MYRIP: variants seen among roughly 807,000 people sequenced by gnomAD.
MYRIP encodes the protein myosin VIIA and Rab interacting protein, also known as rab effector MyRIP.
MYRIP carries 49 observed loss-of-function variants against 98.0 expected under a neutral mutation model. The observed-to-expected ratio is 0.50, with a 90% CI of 0.40 to 0.63. The LOEUF (loss-of-function observed/expected upper bound fraction) is 0.63, where lower values mean the gene tolerates loss of function less well. MYRIP is among the 30% of genes least tolerant of loss of function. MYRIP has a pLI of 0.00. For synonymous variants in MYRIP, 404 were observed against 409.5 expected (o/e 0.99, Z 0.16); for missense variants, 1,004 against 1,058.2 (o/e 0.95, Z 0.71).
chr3:40,007,361 C>T (rs1348833858), intron 2 of MYRIP, among the ~76,000 whole-genome samples: 3 of 151,096 alleles, frequency 2.0e-5, no homozygotes, highest in Non-Finnish European at 4.4e-5. Flanking sequence ...AAAAACCACA[C>T]ATGGAGAATC....
intron 1 of MYRIP, among the ~76,000 whole-genome samples, chr3:39,841,414 G>A (rs150879864): frequency 9.1e-4 from 138 of 152,116 alleles, no homozygotes; most frequent in African/African-American, 3.0e-3. Context: ...CCTTTAGCTC[G>A]GAGGAGTTTG....
At chr3:40,226,096 C>G (rs911080872) in intron 11 of MYRIP, among the ~76,000 whole-genome samples, 1 of 152,088 alleles carries the variant, frequency 6.6e-6, no homozygotes, top group Non-Finnish European at 1.5e-5. Context: ...CTTCAGCCCT[C>G]CCCTCAGGAA....
intron 3 of MYRIP, among the ~76,000 whole-genome samples, chr3:40,060,344 A>C (rs922588192): frequency 2.6e-5 from 4 of 152,070 alleles, no homozygotes; most frequent in South Asian, 2.1e-4. Context: ...CCTCTTTATA[A>C]ATGATATTGA....
chr3:40,189,258 A>C (rs569276675), intron 9 of MYRIP, among the ~76,000 whole-genome samples: 65 of 152,330 alleles, frequency 4.3e-4, no homozygotes, highest in African/African-American at 1.4e-3. Flanking sequence ...TTTGGCCTCA[A>C]GTCCTTTCCA....
intron 1 of MYRIP, among the ~76,000 whole-genome samples, chr3:39,887,066 G>A (rs1277644826): frequency 2.6e-5 from 4 of 151,912 alleles, no homozygotes; most frequent in African/African-American, 7.3e-5. Context: ...CATGGAAACT[G>A]AACAACCTGC....
rs1023063546 is a variant in MYRIP at position 39,999,618 on chromosome 3, C to T, written c.111-44432C>T. On this transcript the variant is annotated intron_variant, in intron 2 of 16. Coordinates refer to ENST00000302541, the MANE Select transcript of MYRIP (RefSeq NM_015460.4). ...TCAACCATTGTGGAAGTCAGTGTGG[C>T]TATTCCTCAGGGATCTAGAACTAGA... 3.3e-3 allele frequency among the ~76,000 whole-genome samples: 508 copies of T among 152,214 alleles called. 3 individuals are homozygous for T. The highest frequency in any genetic ancestry group is 0.012 in the African/African-American group (497 of 41,504).
chr3:40,239,732 T>A (rs1357642899), intron 12 of MYRIP, among the ~76,000 whole-genome samples: 1,944 of 144,526 alleles, frequency 0.013, no homozygotes, highest in African/African-American at 0.051. Flanking sequence ...TTCATGTCCT[T>A]TGCCCACTTT....
At chr3:39,966,485 T>C (rs1945445307) in intron 2 of MYRIP, among the ~76,000 whole-genome samples, 2 of 152,222 alleles carry the variant, frequency 1.3e-5, no homozygotes, top group African/African-American at 2.4e-5. Flanking sequence ...TAGATATTAG[T>C]GTTCCAGCAG....
At chr3:40,141,580 C>T (rs1949896121) in intron 3 of MYRIP, among the ~76,000 whole-genome samples, 1 of 152,114 alleles carries the variant, frequency 6.6e-6, no homozygotes, top group Non-Finnish European at 1.5e-5. Context: ...TACTTTAGGT[C>T]TCATGTTTAG....
chr3:40,199,361 T>A (rs1321369658), intron 10 of MYRIP, among the ~76,000 whole-genome samples: 1 of 152,172 alleles, frequency 6.6e-6, no homozygotes, highest in Non-Finnish European at 1.5e-5. Context: ...TGCACTGACC[T>A]CTGCTGTCCG....
In MYRIP at chr3:40,160,842, T is replaced by C. The variant is rs955035027; in HGVS notation, c.470-1888T>C. Among the ~76,000 whole-genome samples the C allele has an allele frequency of 2.0e-5, 3 of 152,178 alleles. No homozygotes were observed. In the East Asian group the frequency reaches 5.8e-4, roughly 29 times the overall value. ...CCCTTGCGCTTCCTGAGTGAGGCAA[T>C]GCCTTGCCCTGCTTCGGTTCGCACA... On this transcript the variant is annotated intron_variant, in intron 4 of 16. Transcript: ENST00000302541.
chr3:40,044,087 T>TGCA lies in MYRIP; in HGVS notation c.152_154dup (p.Ser51dup). 1 of 1,614,102 alleles carries TGCA rather than the reference T, an allele frequency of 6.2e-7. No individual in the cohort carries two copies. The highest frequency in any genetic ancestry group is 8.5e-7 in the Non-Finnish European group (1 of 1,180,000). ...GAAGCTGGATGAGGAAGGCAGCAAG[T>TGCA]GCAGCATCCTCTCGAAGCACCAGCA... is the stretch of plus-strand genomic sequence containing the variant. On this transcript the variant is annotated inframe_insertion, in exon 3 of 17. Coordinates refer to ENST00000302541, the MANE Select transcript of MYRIP (RefSeq NM_015460.4).
intron 10 of MYRIP, among the ~76,000 whole-genome samples, chr3:40,202,902 T>TTTACTTACTTAC (rs56260749): frequency 8.6e-5 from 12 of 139,490 alleles, no homozygotes; most frequent in African/African-American, 2.6e-4. Flanking sequence ...CTCACCTCCA[T>TTTACTTACTTAC]TTACTTATTT....
rs150413257 is a variant in MYRIP at position 40,017,398 on chromosome 3, C to T, written c.111-26652C>T. Reference sequence around the variant, plus strand: ...GATCAGGTTCAATCCCTTTACTGAACGCATGAGCAGACTGAGTTCTCATTA... The same window carrying T: ...GATCAGGTTCAATCCCTTTACTGAATGCATGAGCAGACTGAGTTCTCATTA... On this transcript the variant is annotated intron_variant, in intron 2 of 16. Transcript: ENST00000302541. 3.5e-4 allele frequency among the ~76,000 whole-genome samples: 54 copies of T among 152,278 alleles called. No homozygotes were observed. In the East Asian group the frequency reaches 8.5e-3, roughly 24 times the overall value.
chr3:39,885,967 T>G (rs543329537), intron 1 of MYRIP, among the ~76,000 whole-genome samples: 1 of 152,130 alleles, frequency 6.6e-6, no homozygotes, highest in African/African-American at 2.4e-5. Context: ...TGGGAGTAAT[T>G]TGATCATCTG....
chr3:40,022,258 G>T (rs1947015787), intron 2 of MYRIP, among the ~76,000 whole-genome samples: 1 of 152,180 alleles, frequency 6.6e-6, no homozygotes, highest in Non-Finnish European at 1.5e-5. Flanking sequence ...GGAGTTCATT[G>T]TCCTATCAAA....
intron 4 of MYRIP, among the ~76,000 whole-genome samples, chr3:40,155,695 G>A (rs1382174732): frequency 6.6e-6 from 1 of 151,862 alleles, no homozygotes; most frequent in Admixed American, 6.5e-5. Flanking sequence ...TAACTGGTGT[G>A]AGATGGTATC....
At chr3:40,069,234 G>A (rs1948177538) in intron 3 of MYRIP, among the ~76,000 whole-genome samples, 2 of 152,066 alleles carry the variant, frequency 1.3e-5, no homozygotes, top group Non-Finnish European at 2.9e-5. Context: ...TATCCTGGCA[G>A]TGGTTGTACA....
intron 3 of MYRIP, among the ~76,000 whole-genome samples, chr3:40,097,298 G>C (rs1948851502): frequency 6.6e-6 from 1 of 152,172 alleles, no homozygotes; most frequent in African/African-American, 2.4e-5. Context: ...GTCTCACAGA[G>C]AGGAAGTCAA....
Sources: allele counts gnomAD v4.1 joint callset (sites outside exome capture counted in the v4.1 genomes callset), GRCh38; gene constraint gnomAD v4.1.1; transcripts MANE v1.5; gene names NCBI Gene and HGNC (gene_info 2026-07-23, HGNC 2026-07-21).